Variants in WNT10A observed in about 807,000 individuals in gnomAD.
WNT10A encodes Wnt family member 10A.
WNT10A carries 37 observed loss-of-function variants against 36.1 expected under a neutral mutation model. The ratio of observed to expected loss-of-function variants is 1.02; its 90% confidence interval spans 0.79 to 1.35. The LOEUF is 1.35. Among genes scored for constraint, WNT10A ranks in the 40% most tolerant of loss-of-function variants. The pLI is 0.00. For synonymous variants in WNT10A, 255 were observed against 254.1 expected, an observed-to-expected ratio of 1.00 and a Z score of -0.03; for missense variants, 613 against 601.4, an observed-to-expected ratio of 1.02 and a Z score of -0.20.
At chr2:218,885,893 G>A (rs1007189202) in intron 2 of WNT10A, among the ~76,000 whole-genome samples, 1 of 152,224 alleles carries the variant, frequency 6.6e-6, no homozygotes, top group African/African-American at 2.4e-5. Context: ...AGCACCTGCT[G>A]TGTGTTAGGC....
At chr2:218,880,848 C>A, upstream of WNT10A, 1 of 908,726 alleles carries the variant, frequency 1.1e-6, no homozygotes, top group Non-Finnish European at 1.5e-6. This position sits in a 1 kb window ranked among gnomAD's most constrained non-coding sequence, Gnocchi z 7.7. Context: ...GGGAGGCGGG[C>A]GCCGTCTGCT....
chr2:218,883,618 CCGA>C (rs1292567177), intron 2 of WNT10A, among the ~76,000 whole-genome samples: 1 of 151,296 alleles, frequency 6.6e-6, no homozygotes, highest in African/African-American at 2.4e-5. Context: ...CGAGCCCAGC[CCGA>C]CGCGTGTGGC....
In WNT10A at chr2:218,893,500, C is replaced by T; in HGVS notation, c.*229C>T. ...GGCTCTAGGACTGACTGGGTTCTTCCTCCCTCCCCGAAGCCCAGACAGTTC... is the reference window on the plus strand; with the variant it reads ...GGCTCTAGGACTGACTGGGTTCTTCTTCCCTCCCCGAAGCCCAGACAGTTC... On this transcript the variant is annotated 3_prime_UTR_variant, in exon 4 of 4. Transcript: ENST00000258411. This position sits in a 1 kb window ranked among gnomAD's most constrained non-coding sequence, Gnocchi z 6.3. The T allele has an allele frequency of 3.8e-6, 2 of 528,386 alleles. No homozygotes were observed. Among genetic ancestry groups the T allele is most frequent in the Admixed American group, 3.8e-5 (1 of 26,048 alleles). The allele number at this position is 528,386 out of a possible 1,614,324, so 32.7% of individuals were successfully genotyped here. A position where few individuals can be genotyped will look rare whatever the true frequency, so the allele number is the denominator to read the frequency against.
upstream of WNT10A, among the ~76,000 whole-genome samples, chr2:218,878,102 G>T (rs534959717): frequency 4.6e-5 from 7 of 152,184 alleles, no homozygotes; most frequent in African/African-American, 1.7e-4. This position sits in a 1 kb window ranked among gnomAD's most constrained non-coding sequence, Gnocchi z 4.1. Context: ...CTTAGGCGGC[G>T]GCTGCGGGGG....
chr2:218,882,300 G>A lies in WNT10A; in HGVS notation c.253G>A (p.Ala85Thr), dbSNP rs776083669. 6.2e-7 allele frequency: 1 copy of A among 1,614,164 alleles called. No individual in the cohort carries two copies. The highest frequency in any genetic ancestry group is 2.2e-5 in the East Asian group (1 of 44,888). Residue 85 changes from alanine (A) to threonine (T), a missense_variant, in exon 2 of 4, where the codon GCC becomes ACC. Ala to Thr is a moderately conservative substitution (Grantham distance 58). Transcript: ENST00000258411. ...GCGTCACCCTGATGTGGCTGCCTCAGCCATACAGGGCATCCAGATCGCCAT... is the reference window on the plus strand; with the variant it reads ...GCGTCACCCTGATGTGGCTGCCTCAACCATACAGGGCATCCAGATCGCCAT... ...CVRHPDVAAS[A>T]IQGIQIAIHE...
chr2:218,890,152 T>C lies in WNT10A; in HGVS notation c.545T>C (p.Leu182Pro). The change falls in exon 3 of 4, where the codon CTG (leucine) becomes CCG (proline). Residue 182 changes from leucine to proline, a missense_variant. Coordinates refer to ENST00000258411, the MANE Select transcript of WNT10A (RefSeq NM_025216.3). ...CTGCACCGCTTACAACTGGATGCAC[T>C]GCAGCGTGGTAAGGGCCTGAGCCAT... is the stretch of plus-strand genomic sequence containing the variant. ...RKLHRLQLDA[L>P]QRGKGLSHGV... 1 of 1,614,180 alleles carries C rather than the reference T, an allele frequency of 6.2e-7. No individual in the cohort carries two copies. Among genetic ancestry groups the C allele is most frequent in the Non-Finnish European group, 8.5e-7 (1 of 1,180,018 alleles).
Position 218,892,940 on chromosome 2 carries a change from G to C in WNT10A, c.923G>C (p.Gly308Ala). 8 of 1,465,836 alleles carry C rather than the reference G, an allele frequency of 5.5e-6. No individual in the cohort carries two copies. Among genetic ancestry groups the C allele is most frequent in the Non-Finnish European group, 7.2e-6 (8 of 1,112,316 alleles). The allele number at this position is 1,465,836 out of a possible 1,614,324, so 90.8% of individuals were successfully genotyped here. A position where few individuals can be genotyped will look rare whatever the true frequency, so the allele number is the denominator to read the frequency against. ...ATCCGGCCGCACAACCGCAACGGCG[G>C]CCAGCTGGAGCCGGGCCCAGCGGGG... ...TLIRPHNRNG[G>A]QLEPGPAGAP... The change falls in exon 4 of 4, where the codon GGC (glycine) becomes GCC (alanine). Residue 308 changes from glycine to alanine, a missense_variant. Physicochemically the swap from Gly to Ala is moderately conservative, Grantham distance 60. Coordinates refer to ENST00000258411, the MANE Select transcript of WNT10A (RefSeq NM_025216.3).
intron 2 of WNT10A, chr2:218,884,471 C>G (rs1944556730): frequency 6.6e-6 from 1 of 152,492 alleles, no homozygotes; most frequent in South Asian, 2.1e-4. Context: ...ACTGGCCTAC[C>G]TCTGTGGCTT....
intron 3 of WNT10A, among the ~76,000 whole-genome samples, chr2:218,891,161 G>C (rs942002597): frequency 1.3e-5 from 2 of 152,196 alleles, no homozygotes; most frequent in African/African-American, 2.4e-5. Flanking sequence ...TGACCAAGAA[G>C]CTTGCCCAAA....
At chr2:218,875,434 C>T in the WNT10A span, among the ~76,000 whole-genome samples, 1 of 151,998 alleles carries the variant, frequency 6.6e-6, no homozygotes, top group Admixed American at 6.6e-5. Context: ...TCGTGATCCG[C>T]CTGCCTTGGC....
chr2:218,879,672 G>T (rs577718450), upstream of WNT10A, among the ~76,000 whole-genome samples: 6 of 152,360 alleles, frequency 3.9e-5, no homozygotes, highest in Admixed American at 2.0e-4. Flanking sequence ...GGACAAGACT[G>T]AGAGTATCTG....
upstream of WNT10A, among the ~76,000 whole-genome samples, chr2:218,879,222 G>T (rs112240218): frequency 7.9e-5 from 12 of 152,260 alleles, no homozygotes; most frequent in African/African-American, 2.6e-4. Context: ...ACAGTCTGGG[G>T]ACAAGGAGGG....
chr2:218,892,867 C>G lies in WNT10A; in HGVS notation c.850C>G (p.Arg284Gly). 3 of 1,580,994 alleles carry G rather than the reference C, an allele frequency of 1.9e-6. No homozygotes were observed. Among genetic ancestry groups the G allele is most frequent in the Non-Finnish European group, 2.6e-6 (3 of 1,165,662 alleles). ...GTGCTGGCAGGTGACGCCCGAGTTC[C>G]GCACCGTGGGGGCGCTGCTGCGCAG... ...KTCWQVTPEF[R>G]TVGALLRSRF... Residue 284 changes from arginine to glycine, a missense_variant, in exon 4 of 4, where the codon CGC (arginine) becomes GGC (glycine). Physicochemically the swap from Arg to Gly is moderately radical, Grantham distance 125. Coordinates refer to ENST00000258411, the MANE Select transcript of WNT10A (RefSeq NM_025216.3).
chr2:218,893,376 G>A lies in WNT10A; in HGVS notation c.*105G>A. On this transcript the variant is annotated 3_prime_UTR_variant, in exon 4 of 4. Coordinates refer to ENST00000258411, the MANE Select transcript of WNT10A (RefSeq NM_025216.3). This position sits in a 1 kb window ranked among gnomAD's most constrained non-coding sequence, Gnocchi z 6.3. ...AGCATCGCCTTGGCTCTTGGGAAGAGGAGATTGGACCACATGATCTTATAG... is the reference window on the plus strand; with the variant it reads ...AGCATCGCCTTGGCTCTTGGGAAGAAGAGATTGGACCACATGATCTTATAG... The A allele has an allele frequency of 1.4e-6, 2 of 1,435,496 alleles. No homozygotes were observed. Among genetic ancestry groups the A allele is most frequent in the Non-Finnish European group, 1.8e-6 (2 of 1,086,100 alleles). The allele number at this position is 1,435,496 out of a possible 1,614,324, so 88.9% of individuals were successfully genotyped here.
At chr2:218,877,583 G>A (rs1462858684), upstream of WNT10A, among the ~76,000 whole-genome samples, 1 of 152,190 alleles carries the variant, frequency 6.6e-6, no homozygotes, top group Non-Finnish European at 1.5e-5. The surrounding 1 kb of genome is among the most constrained non-coding windows in gnomAD (Gnocchi z 4.1). Flanking sequence ...GTGGAACTGG[G>A]GAGATGGGGG....
intron 2 of WNT10A, among the ~76,000 whole-genome samples, chr2:218,888,027 A>G (rs1944598144): frequency 6.6e-6 from 1 of 152,200 alleles, no homozygotes; most frequent in African/African-American, 2.4e-5. Flanking sequence ...CTTAACTACT[A>G]AACAGCTTGT....
At chr2:218,886,413 A>G (rs1484561405) in intron 2 of WNT10A, among the ~76,000 whole-genome samples, 1 of 152,128 alleles carries the variant, frequency 6.6e-6, no homozygotes, top group Non-Finnish European at 1.5e-5. Context: ...TTGAATGGGT[A>G]GGGCTCAAGC....
chr2:218,892,715 C>A (rs1944667444), intron 3 of WNT10A, 59 bp from the exon 4 acceptor site: 6 of 1,546,718 alleles, frequency 3.9e-6, no homozygotes, highest in South Asian at 3.6e-5. Context: ...CCAGGCTAAG[C>A]GCTGGGAGGG....
chr2:218,890,032 T>C lies in WNT10A; in HGVS notation c.425T>C (p.Val142Ala), dbSNP rs2106016071. The C allele has an allele frequency of 1.2e-6, 2 of 1,613,820 alleles. No individual in the cohort carries two copies. The highest frequency in any genetic ancestry group is 4.5e-5 in the East Asian group (2 of 44,888). Reference sequence around the variant, plus strand: ...TACGCCATCGCAGCAGCTGGCGTGGTGCACGCCGTGTCCAATGCGTGTGCC... The same window carrying C: ...TACGCCATCGCAGCAGCTGGCGTGGCGCACGCCGTGTCCAATGCGTGTGCC... Reference protein sequence around the residue: ...FAYAIAAAGVVHAVSNACALG... With the variant: ...FAYAIAAAGVAHAVSNACALG... Residue 142 changes from valine (V) to alanine (A), a missense_variant, in exon 3 of 4, where the codon GTG becomes GCG. Val to Ala is a moderately conservative substitution (Grantham distance 64). Transcript: ENST00000258411.
Sources: allele counts gnomAD v4.1 joint callset (sites outside exome capture counted in the v4.1 genomes callset), GRCh38; gene constraint gnomAD v4.1.1; non-coding constraint Gnocchi (gnomAD v3.1); transcripts MANE v1.5; gene names NCBI Gene and HGNC (gene_info 2026-07-23, HGNC 2026-07-21).